VWF: variants seen among roughly 807,000 people sequenced by gnomAD.
VWF encodes the protein von Willebrand factor, also known as Factor VIII related antigen.
A neutral mutation model predicts 308.6 loss-of-function variants in VWF; 176 were observed. That is an observed-to-expected ratio of 0.57 (90% CI 0.50 to 0.65). VWF has a LOEUF of 0.65. VWF is among the 30% of genes least tolerant of loss of function. VWF has a pLI of 0.00. For synonymous variants in VWF, 1,385 were observed against 1,443.4 expected, an observed-to-expected ratio of 0.96 and a Z score of 0.92; for missense variants, 3,146 against 3,648.2, an observed-to-expected ratio of 0.86 and a Z score of 3.55.
At chr12:5,968,914 G>A (rs759321940) in intron 45 of VWF, among the ~76,000 whole-genome samples, 2 of 152,166 alleles carry the variant, frequency 1.3e-5, no homozygotes, top group Non-Finnish European at 2.9e-5. Flanking sequence ...GCAGCGTTGG[G>A]GTGGCAAGTT....
At chr12:6,015,606 C>T (rs947193309) in intron 31 of VWF, among the ~76,000 whole-genome samples, 1 of 152,022 alleles carries the variant, frequency 6.6e-6, no homozygotes, top group Non-Finnish European at 1.5e-5. Flanking sequence ...CAAGGCTGGA[C>T]ATCTGGATCC....
At chr12:5,976,472 C>T (rs1026612829) in intron 42 of VWF, among the ~76,000 whole-genome samples, 13 of 152,138 alleles carry the variant, frequency 8.5e-5, no homozygotes, top group African/African-American at 3.1e-4. Flanking sequence ...TATGACCAGT[C>T]TCTCAGGGGT....
At chr12:6,029,203 C>A in intron 22 of VWF, 139 bp downstream of exon 22, 3 of 1,079,768 alleles carry the variant, frequency 2.8e-6, no homozygotes. Context: ...ACAAGAAGAG[C>A]TAACTATCCT....
intron 37 of VWF, among the ~76,000 whole-genome samples, 153 bp downstream of exon 37, chr12:5,993,709 T>C (rs997182531): frequency 2.4e-4 from 37 of 151,086 alleles, no homozygotes; most frequent in African/African-American, 8.3e-4. Context: ...ATATATATCT[T>C]CCATCTTATT....
At chr12:5,992,164 C>T in intron 37 of VWF, 146 bp from the exon 38 acceptor site, 1 of 748,676 alleles carries the variant, frequency 1.3e-6, no homozygotes, top group Non-Finnish European at 2.3e-6. Context: ...CCCCACCTTC[C>T]ATAGAAACAG....
Position 6,018,944 on chromosome 12 carries a change from T to G in VWF, c.4474A>C (p.Arg1492=). The change falls in exon 28 of 52, where the codon AGG becomes CGG. Residue 1492 remains arginine, a synonymous_variant. Coordinates refer to ENST00000261405, the MANE Select transcript of VWF (RefSeq NM_000552.5). ...GCCACATCCAGAACCATGGAGTTCC[T>G]CTTGGGCCCCAGGGTCGAAACCCCC... ...LLGVSTLGPK[R]NSMVLDVAFV... The G allele has an allele frequency of 1.2e-6, 2 of 1,613,884 alleles. No homozygotes were observed. The highest frequency in any genetic ancestry group is 1.7e-6 in the Non-Finnish European group (2 of 1,179,838).
intron 20 of VWF, among the ~76,000 whole-genome samples, chr12:6,033,898 G>C (rs889466516): frequency 1.3e-5 from 2 of 152,208 alleles, no homozygotes; most frequent in Non-Finnish European, 2.9e-5. Flanking sequence ...GGAGACAGAG[G>C]GACCATATTT....
chr12:6,014,457 T>C (rs1239822939), intron 31 of VWF, among the ~76,000 whole-genome samples: 4 of 152,144 alleles, frequency 2.6e-5, no homozygotes, highest in Admixed American at 6.5e-5. Flanking sequence ...GGGACTCGGA[T>C]TGAGGTGACC....
At chr12:6,036,981 C>T (rs1944344089) in intron 18 of VWF, among the ~76,000 whole-genome samples, 1 of 152,082 alleles carries the variant, frequency 6.6e-6, no homozygotes, top group South Asian at 2.1e-4. Context: ...TGACTAAATC[C>T]ATTGAGGAAT....
chr12:6,103,810 A>T (rs1461347326), intron 5 of VWF, among the ~76,000 whole-genome samples: 1 of 152,148 alleles, frequency 6.6e-6, no homozygotes, highest in Non-Finnish European at 1.5e-5. Context: ...AAACTATAAA[A>T]ATCCTAGAAA....
chr12:6,051,838 C>T (rs962613), intron 16 of VWF, among the ~76,000 whole-genome samples: 40,838 of 151,790 alleles, frequency 0.27, 5,940 homozygotes, highest in Non-Finnish European at 0.33. Flanking sequence ...TCTCAAACTC[C>T]CAGGCTCAAG....
chr12:6,056,958 C>T lies in VWF; in HGVS notation c.1844G>A (p.Cys615Tyr). Residue 615 changes from cysteine (C) to tyrosine (Y), a missense_variant, in exon 15 of 52, where the codon TGC (cysteine) becomes TAC (tyrosine). By Grantham distance (194) the Cys-to-Tyr change is radical. Around this residue, in one of 3 missense-constraint regions of VWF, gnomAD observed 1,304 missense variants for 1,353.0 expected, o/e 0.96. Transcript: ENST00000261405. Reference protein sequence around the residue: ...LRNCRYDVCSCSDGRECLCGA... With the variant: ...LRNCRYDVCSYSDGRECLCGA... ...GCACAGGCACTCGCGGCCGTCCGAG[C>T]AGGAGCACACGTCGTAGCGGCAGTT... is the stretch of plus-strand genomic sequence containing the variant. 1 of 1,539,594 alleles carries T rather than the reference C, an allele frequency of 6.5e-7. No individual in the cohort carries two copies. Among genetic ancestry groups the T allele is most frequent in the East Asian group, 2.4e-5 (1 of 41,092 alleles).
At chr12:6,080,732 TACGGC>T (rs1944899636) in intron 6 of VWF, among the ~76,000 whole-genome samples, 1 of 152,214 alleles carries the variant, frequency 6.6e-6, no homozygotes, top group Admixed American at 6.5e-5. Flanking sequence ...AGCAGGTAGT[TACGGC>T]CCCATCATAA....
intron 2 of VWF, among the ~76,000 whole-genome samples, 168 bp from the exon 3 acceptor site, chr12:6,121,506 G>T (rs1162596442): frequency 1.3e-5 from 2 of 152,178 alleles, no homozygotes. Context: ...TCAGCTCCCA[G>T]ATATGACCCC....
chr12:6,025,487 G>T lies in VWF; in HGVS notation c.3222+93C>A, dbSNP rs1021891025. On this transcript the variant is annotated intron_variant, in intron 24 of 51. Transcript: ENST00000261405. ...GGTGCAGATCATGTCAAGACACGAG[G>T]GTAGTGTCCACGTTAGAAGGTCACA... is the stretch of plus-strand genomic sequence containing the variant. The T allele has an allele frequency of 5.0e-6, 5 of 996,242 alleles. No homozygotes were observed. The African/African-American group carries it at 6.4e-5, about 13-fold the overall frequency. 61.7% of individuals were successfully genotyped at this position (996,242 alleles called of 1,614,324 possible). A position where few individuals can be genotyped will look rare whatever the true frequency, so the allele number is the denominator to read the frequency against.
intron 10 of VWF, among the ~76,000 whole-genome samples, chr12:6,069,086 G>A (rs545216568): frequency 6.6e-6 from 1 of 151,562 alleles, no homozygotes; most frequent in East Asian, 2.0e-4. Flanking sequence ...CCAACCCCTG[G>A]GCTCAAGCGC....
At chr12:6,103,422 G>GTGTGTA (rs1945198181) in intron 5 of VWF, among the ~76,000 whole-genome samples, 17 of 114,072 alleles carry the variant, frequency 1.5e-4, no homozygotes, top group African/African-American at 8.8e-4. Flanking sequence ...ACACGTGTGT[G>GTGTGTA]TATACACACG....
chr12:6,113,297 C>CTTTT (rs56714638), intron 3 of VWF, among the ~76,000 whole-genome samples: 2 of 138,830 alleles, frequency 1.4e-5, no homozygotes, highest in Non-Finnish European at 3.1e-5. Flanking sequence ...CGTAGAGAAA[C>CTTTT]TTTTTTTTTT....
intron 31 of VWF, among the ~76,000 whole-genome samples, chr12:6,015,867 T>C (rs1944050592): frequency 6.6e-6 from 1 of 152,152 alleles, no homozygotes; most frequent in African/African-American, 2.4e-5. Context: ...AGATTATAAT[T>C]AGTTATAAAG....
Sources: gnomAD v4.1 joint callset for allele counts (sites outside exome capture counted in the v4.1 genomes callset) on GRCh38, gnomAD v4.1.1 for gene constraint, gnomAD v4.1.1 regional missense constraint, MANE v1.5 for transcripts, NCBI Gene and HGNC (gene_info 2026-07-23, HGNC 2026-07-21) for gene names.